Variants in DRC7 observed in about 807,000 individuals in gnomAD.
The protein encoded by DRC7 is dynein regulatory complex subunit 7.
A neutral mutation model predicts 104.4 loss-of-function variants in DRC7; 80 were observed. The observed-to-expected ratio is 0.77, with a 90% CI of 0.64 to 0.92. The LOEUF (loss-of-function observed/expected upper bound fraction) is 0.92. Among genes scored for constraint, DRC7 ranks in the 40% least tolerant of loss-of-function variants. DRC7 has a pLI of 0.00. For synonymous variants in DRC7, 405 were observed against 447.3 expected (o/e 0.91, Z 1.19); for missense variants, 1,034 against 1,141.1 (o/e 0.91, Z 1.35).
intron 8 of DRC7, among the ~76,000 whole-genome samples, chr16:57,708,039 A>G (rs1029077485): frequency 1.3e-5 from 2 of 152,234 alleles, no homozygotes; most frequent in Non-Finnish European, 2.9e-5. Context: ...ACCCAGACCA[A>G]GAAATAGAAT....
At position 57,704,965 on chromosome 16, in the gene DRC7, G is replaced by T; in HGVS notation, c.789G>T (p.Glu263Asp). The change falls in exon 7 of 19, where the codon GAG (glutamate) becomes GAT (aspartate). Residue 263 changes from glutamate to aspartate, a missense_variant. Glu to Asp is a conservative substitution (Grantham distance 45). Coordinates refer to ENST00000360716, the MANE Select transcript of DRC7 (RefSeq NM_001289162.2). ...GCAGCAGGTTTGAGCAGGAGCAAGA[G>T]GTGAAGAAGCAGCAGGAGATCAGAG... Reference protein sequence around the residue: ...DLCSRFEQEQEVKKQQEIRAQ... With the variant: ...DLCSRFEQEQDVKKQQEIRAQ... 2 of 1,613,766 alleles carry T rather than the reference G, an allele frequency of 1.2e-6. No homozygotes were observed. Among genetic ancestry groups the T allele is most frequent in the Non-Finnish European group, 1.7e-6 (2 of 1,179,948 alleles).
In DRC7 at chr16:57,718,424, G is replaced by C. The variant is rs1226554815; in HGVS notation, c.1155G>C (p.Leu385Phe). Residue 385 changes from leucine to phenylalanine, a missense_variant, in exon 9 of 19, where the codon TTG becomes TTC. Coordinates refer to ENST00000360716, the MANE Select transcript of DRC7 (RefSeq NM_001289162.2). Reference sequence around the variant, plus strand: ...GGACTGATAAGTCTCAGCTGTCCTTGACTGAAGAAGACGACAGTGGGATAA... The same window carrying C: ...GGACTGATAAGTCTCAGCTGTCCTTCACTGAAGAAGACGACAGTGGGATAA... ...LLGTDKSQLSLTEEDDSGIND... is the reference protein window; with the variant it reads ...LLGTDKSQLSFTEEDDSGIND... 6.2e-7 allele frequency: 1 copy of C among 1,614,154 alleles called. No individual in the cohort carries two copies. Among genetic ancestry groups the C allele is most frequent in the East Asian group, 2.2e-5 (1 of 44,886 alleles).
In DRC7 at chr16:57,707,652, A is replaced by G; in HGVS notation, c.1051A>G (p.Met351Val). 1 of 1,613,450 alleles carries G rather than the reference A, an allele frequency of 6.2e-7. No homozygotes were observed. The highest frequency in any genetic ancestry group is 8.5e-7 in the Non-Finnish European group (1 of 1,179,982). The change falls in exon 8 of 19, where the codon ATG becomes GTG. Residue 351 changes from methionine to valine, a missense_variant. Transcript: ENST00000360716. Reference sequence around the variant, plus strand: ...GAACCACAAGAACTACTGGATCAACATGCAGGATTGCTGGAACTGCTGCAA... The same window carrying G: ...GAACCACAAGAACTACTGGATCAACGTGCAGGATTGCTGGAACTGCTGCAA... ...LWNHKNYWIN[M>V]QDCWNCCKDL...
intron 8 of DRC7, among the ~76,000 whole-genome samples, chr16:57,709,464 T>C (rs569551082): frequency 1.3e-5 from 2 of 152,332 alleles, no homozygotes; most frequent in African/African-American, 4.8e-5. Flanking sequence ...ATCTTGACTG[T>C]AGGGTTTTTA....
intron 2 of DRC7, among the ~76,000 whole-genome samples, chr16:57,697,586 A>T (rs541646612): frequency 5.6e-4 from 85 of 151,684 alleles, no homozygotes; most frequent in East Asian, 1.2e-3. Flanking sequence ...TAAAAAATTT[A>T]AAAAAAAAGA....
chr16:57,718,587 G>T, intron 9 of DRC7, 112 bp downstream of exon 9: 1 of 1,263,482 alleles, frequency 7.9e-7, no homozygotes, highest in Middle Eastern at 2.1e-4. Flanking sequence ...AAGTAGACCA[G>T]TGATGGGTTC....
In DRC7 at chr16:57,698,047, G is replaced by C; in HGVS notation, c.98G>C (p.Arg33Thr). ...TGGGCGAGGATGGAGAAAATGATGA[G>C]GCCAGTTGAGGTGCGGAAGGAGGAA... Reference protein sequence around the residue: ...AEWARMEKMMRPVEVRKEEIT... With the variant: ...AEWARMEKMMTPVEVRKEEIT... Residue 33 changes from arginine to threonine, a missense_variant, in exon 3 of 19, where the codon AGG becomes ACG. Coordinates refer to ENST00000360716, the MANE Select transcript of DRC7 (RefSeq NM_001289162.2). 1 of 1,614,122 alleles carries C rather than the reference G, an allele frequency of 6.2e-7. No individual in the cohort carries two copies. Among genetic ancestry groups the C allele is most frequent in the Non-Finnish European group, 8.5e-7 (1 of 1,180,030 alleles).
At chr16:57,724,479 G>C in intron 12 of DRC7, 136 bp from the exon 13 acceptor site, 2 of 581,772 alleles carry the variant, frequency 3.4e-6, no homozygotes, top group Non-Finnish European at 6.1e-6. Context: ...CAGCAATAGG[G>C]GACTGGTTCA....
chr16:57,725,310 T>C (rs1245783510), intron 13 of DRC7, among the ~76,000 whole-genome samples: 1 of 152,146 alleles, frequency 6.6e-6, no homozygotes, highest in Non-Finnish European at 1.5e-5. Flanking sequence ...ACCACCTCCA[T>C]GATTCAATTA....
intron 8 of DRC7, among the ~76,000 whole-genome samples, chr16:57,711,553 A>T (rs2048791496): frequency 6.6e-6 from 1 of 152,250 alleles, no homozygotes; most frequent in East Asian, 1.9e-4. Flanking sequence ...GGGCTACCCC[A>T]TAGGCAGTGT....
chr16:57,730,056 GGATGGATGGAT>G (rs1316778166), intron 17 of DRC7, among the ~76,000 whole-genome samples: 4 of 136,320 alleles, frequency 2.9e-5, no homozygotes, highest in Admixed American at 2.9e-4. Flanking sequence ...ACGGATGGAT[GGATGGATGGAT>G]GATGGATGGA....
intron 1 of DRC7, among the ~76,000 whole-genome samples, chr16:57,695,873 G>T (rs2048587675): frequency 6.6e-6 from 1 of 152,238 alleles, no homozygotes. Flanking sequence ...GTCGTGGCTG[G>T]TGGCCAGGGA....
intron 8 of DRC7, among the ~76,000 whole-genome samples, chr16:57,709,956 G>A (rs4354924): frequency 0.06 from 9,196 of 152,050 alleles, 573 homozygotes; most frequent in East Asian, 0.23. Flanking sequence ...TTTTTATAGA[G>A]ACAAAAAATG....
At chr16:57,724,309 C>CAAAA (rs35767816) in intron 12 of DRC7, among the ~76,000 whole-genome samples, 14 of 80,668 alleles carry the variant, frequency 1.7e-4, no homozygotes, top group East Asian at 3.1e-4. Flanking sequence ...GGCTGTGTCT[C>CAAAA]AAAAAAAAAA....
At chr16:57,705,181 C>T (rs2048699387) in intron 7 of DRC7, 147 bp downstream of exon 7, 1 of 943,498 alleles carries the variant, frequency 1.1e-6, no homozygotes, top group Admixed American at 2.9e-5. Flanking sequence ...TCTACCTGGC[C>T]CTGCAGGAAT....
At position 57,723,011 on chromosome 16, in the gene DRC7, T is replaced by G; in HGVS notation, c.1418T>G (p.Ile473Ser). ...TCCATCGGCCCCACAGGTACCAATATTTTGGAGATAAAGGAGTGGTACCAG... is the reference window on the plus strand; with the variant it reads ...TCCATCGGCCCCACAGGTACCAATAGTTTGGAGATAAAGGAGTGGTACCAG... ...TTYEDLQCTN[I>S]LEIKEWYQNR... Residue 473 changes from isoleucine (I) to serine (S), a missense_variant, in exon 12 of 19, where the codon ATT becomes AGT. Coordinates refer to ENST00000360716, the MANE Select transcript of DRC7 (RefSeq NM_001289162.2). 1 of 1,613,764 alleles carries G rather than the reference T, an allele frequency of 6.2e-7. No individual in the cohort carries two copies. The highest frequency in any genetic ancestry group is 8.5e-7 in the Non-Finnish European group (1 of 1,179,970).
chr16:57,696,010 G>A (rs1290010599), intron 1 of DRC7, among the ~76,000 whole-genome samples: 1 of 152,218 alleles, frequency 6.6e-6, no homozygotes, highest in Non-Finnish European at 1.5e-5. Context: ...GGGATGATTA[G>A]AAAATCAAGG....
At chr16:57,698,779 G>A (rs1433502296) in intron 3 of DRC7, 71 bp from the exon 4 acceptor site, 1 of 1,492,322 alleles carries the variant, frequency 6.7e-7, no homozygotes, top group African/African-American at 1.4e-5. Context: ...AGAGCCAATG[G>A]CAACTCAGTG....
In DRC7 at chr16:57,722,697, C is replaced by G. The variant is rs751168491; in HGVS notation, c.1280-16C>G. The G allele has an allele frequency of 3.7e-6, 6 of 1,613,224 alleles. No homozygotes were observed. Among genetic ancestry groups the G allele is most frequent in the Non-Finnish European group, 3.4e-6 (4 of 1,179,880 alleles). On this transcript the variant is annotated splice_polypyrimidine_tract_variant and intron_variant, in intron 10 of 18. Coordinates refer to ENST00000360716, the MANE Select transcript of DRC7 (RefSeq NM_001289162.2). ...CCAAACTAGCAAGAAGAGACCACAG[C>G]TGACTGTGTCCACAGCATTTGAGAC... is the stretch of plus-strand genomic sequence containing the variant.
Sources: gnomAD v4.1 joint callset for allele counts (sites outside exome capture counted in the v4.1 genomes callset) on GRCh38, gnomAD v4.1.1 for gene constraint, MANE v1.5 for transcripts, NCBI Gene and HGNC (gene_info 2026-07-23, HGNC 2026-07-21) for gene names.